MAST4: variants seen among roughly 807,000 people sequenced by gnomAD.
MAST4 encodes microtubule associated serine/threonine kinase family member 4, also known as microtubule-associated serine/threonine-protein kinase 4.
In MAST4, 89 loss-of-function variants were observed where a neutral mutation model predicts 162.7. The observed-to-expected ratio is 0.55, with a 90% CI of 0.46 to 0.65. The LOEUF (loss-of-function observed/expected upper bound fraction) is 0.65, where lower values mean the gene tolerates loss of function less well. Ranked by LOEUF, MAST4 falls within the 30% of genes least tolerant of loss-of-function variation. The pLI is 0.00. For missense variants in MAST4, 3,153 were observed against 3,374.0 expected (o/e 0.93, Z 1.62); for synonymous variants, 1,479 against 1,361.1 (o/e 1.09, Z -1.91).
intron 1 of MAST4, among the ~76,000 whole-genome samples, chr5:66,672,401 A>C (rs1471552083): frequency 6.6e-6 from 1 of 152,116 alleles, no homozygotes; most frequent in Non-Finnish European, 1.5e-5. Flanking sequence ...AGTCATTTTA[A>C]TGTACATCTT....
chr5:67,110,581 A>G (rs961640500), intron 11 of MAST4, among the ~76,000 whole-genome samples: 6 of 152,272 alleles, frequency 3.9e-5, no homozygotes, highest in Admixed American at 1.3e-4. Flanking sequence ...AGAGATAAAT[A>G]GTGACCTGTG....
At chr5:66,787,673 C>G (rs1275378092) in intron 2 of MAST4, among the ~76,000 whole-genome samples, 3 of 152,206 alleles carry the variant, frequency 2.0e-5, no homozygotes, top group Admixed American at 1.3e-4. Context: ...CCTCATGATT[C>G]TGGAGAGGAA....
intron 1 of MAST4, among the ~76,000 whole-genome samples, chr5:66,721,044 C>T (rs1316381151): frequency 2.0e-5 from 3 of 152,168 alleles, no homozygotes; most frequent in Admixed American, 2.0e-4. Context: ...CCCATCCTGT[C>T]TCCTCTCACC....
chr5:66,726,039 G>A (rs2149546567), intron 1 of MAST4, among the ~76,000 whole-genome samples: 1 of 152,198 alleles, frequency 6.6e-6, no homozygotes, highest in Non-Finnish European at 1.5e-5. Context: ...TTTTGTGTGT[G>A]TGTGTGTGTG....
chr5:66,637,829 G>T (rs1352110517), intron 1 of MAST4, among the ~76,000 whole-genome samples: 1 of 151,828 alleles, frequency 6.6e-6, no homozygotes, highest in Non-Finnish European at 1.5e-5. Flanking sequence ...TCCCACCTCA[G>T]CTTCCCTGGT....
intron 26 of MAST4, among the ~76,000 whole-genome samples, chr5:67,158,558 A>C (rs2151102873): frequency 6.6e-6 from 1 of 152,068 alleles, no homozygotes; most frequent in South Asian, 2.1e-4. Context: ...GCAATAGAGG[A>C]AGACCCCATC....
chr5:67,008,986 C>G (rs951308971), intron 4 of MAST4, among the ~76,000 whole-genome samples: 1 of 152,182 alleles, frequency 6.6e-6, no homozygotes, highest in Non-Finnish European at 1.5e-5. Context: ...TTCCCTCTTG[C>G]CCTGGTATTC....
chr5:66,762,643 G>C (rs1029971022), intron 2 of MAST4, among the ~76,000 whole-genome samples: 1 of 152,208 alleles, frequency 6.6e-6, no homozygotes, highest in African/African-American at 2.4e-5. Context: ...ATAATCACAT[G>C]TGATCTCATC....
intron 4 of MAST4, among the ~76,000 whole-genome samples, chr5:66,949,280 C>T (rs1172737199): frequency 6.6e-6 from 1 of 152,026 alleles, no homozygotes; most frequent in Admixed American, 6.6e-5. Flanking sequence ...GTCCTGTGTC[C>T]CCACCCAGAT....
chr5:67,115,422 T>A (rs1163231954), intron 12 of MAST4, among the ~76,000 whole-genome samples: 1 of 152,250 alleles, frequency 6.6e-6, no homozygotes, highest in African/African-American at 2.4e-5. Flanking sequence ...CTCTCCTGTT[T>A]CCCGGCTTTG....
At chr5:66,934,083 A>G (rs1306186390) in intron 4 of MAST4, among the ~76,000 whole-genome samples, 1 of 152,190 alleles carries the variant, frequency 6.6e-6, no homozygotes, top group African/African-American at 2.4e-5. Flanking sequence ...TAAATACAAC[A>G]TAATTGCAAA....
In MAST4 at chr5:66,875,687, C is replaced by T. The variant is rs138451032; in HGVS notation, c.643-24264C>T. ...TTTTTTCCCCTCATTTGTAAATAAGCAGTTAGTACCACATGATTGTTGAGG... is the reference window on the plus strand; with the variant it reads ...TTTTTTCCCCTCATTTGTAAATAAGTAGTTAGTACCACATGATTGTTGAGG... On this transcript the variant is annotated intron_variant, in intron 3 of 28. Transcript: ENST00000403625. 7.9e-3 allele frequency among the ~76,000 whole-genome samples: 1,210 copies of T among 152,214 alleles called. 17 individuals carry two copies. Among genetic ancestry groups the T allele is most frequent in the African/African-American group, 0.027 (1,113 of 41,522 alleles).
At chr5:66,702,602 A>G (rs1052033958) in intron 1 of MAST4, among the ~76,000 whole-genome samples, 9 of 152,188 alleles carry the variant, frequency 5.9e-5, no homozygotes, top group African/African-American at 1.7e-4. Flanking sequence ...GGGAATCTGC[A>G]GCAGGAGGCT....
intron 3 of MAST4, among the ~76,000 whole-genome samples, chr5:66,817,899 A>G (rs1756807962): frequency 6.6e-6 from 1 of 152,214 alleles, no homozygotes; most frequent in Non-Finnish European, 1.5e-5. Context: ...TAGAGCCCCT[A>G]TTAAATTCTT....
chr5:66,954,299 C>T (rs1026610254), intron 4 of MAST4, among the ~76,000 whole-genome samples: 6 of 152,128 alleles, frequency 3.9e-5, no homozygotes, highest in African/African-American at 1.4e-4. Flanking sequence ...TGAACATGTC[C>T]CAATTCTCCA....
rs1049548214 is a variant in MAST4 at position 66,772,949 on chromosome 5, AC to A, written c.517+13088del. On this transcript the variant is annotated intron_variant, in intron 2 of 28. Transcript: ENST00000403625. ...TGCACCCTCCCTTGAACCCCTGTGC[AC>A]ACACACATGCTTTATTTGTTGCTCT... Among the ~76,000 whole-genome samples the A allele has an allele frequency of 2.6e-5, 4 of 152,172 alleles. No homozygotes were observed. The South Asian group carries it at 6.2e-4, about 24-fold the overall frequency.
At chr5:66,920,341 T>C (rs1421818344) in intron 4 of MAST4, among the ~76,000 whole-genome samples, 1 of 152,152 alleles carries the variant, frequency 6.6e-6, no homozygotes, top group Non-Finnish European at 1.5e-5. Flanking sequence ...TAGAGTATAT[T>C]TTAAATATAA....
intron 4 of MAST4, among the ~76,000 whole-genome samples, chr5:66,947,924 A>T (rs1486231789): frequency 1.3e-5 from 2 of 152,308 alleles, no homozygotes; most frequent in Admixed American, 6.5e-5. Context: ...TAATAATCTC[A>T]CATTGCCTGG....
rs757891533 is a variant in MAST4 at position 67,160,473 on chromosome 5, A to T, written c.3666A>T (p.Ser1222=). Residue 1222 remains serine (S), a synonymous_variant, in exon 27 of 29, where the codon TCA becomes TCT. Coordinates refer to ENST00000403625, the MANE Select transcript of MAST4 (RefSeq NM_001164664.2). ...TTCTTTAGAGTGGGAATAAGGTGTC[A>T]ATCACTACTACCCCATTTGAAAACA... The part of the protein sequence containing the change: ...ELLLKSGNKV[S]ITTTPFENTS... 191 of 1,610,884 alleles carry T rather than the reference A, an allele frequency of 1.2e-4. No homozygotes were observed. The highest frequency in any genetic ancestry group is 1.6e-4 in the Non-Finnish European group (187 of 1,178,608).
Sources: gnomAD v4.1 joint callset for allele counts (sites outside exome capture counted in the v4.1 genomes callset) on GRCh38, gnomAD v4.1.1 for gene constraint, MANE v1.5 for transcripts, NCBI Gene and HGNC (gene_info 2026-07-23, HGNC 2026-07-21) for gene names.